DMD: variants seen among roughly 807,000 people sequenced by gnomAD.
DMD encodes mutant dystrophin.
Under a neutral mutation model 330.1 loss-of-function variants are expected in DMD, and 63 were observed. The ratio of observed to expected loss-of-function variants is 0.19; its 90% CI spans 0.16 to 0.24. The LOEUF (loss-of-function observed/expected upper bound fraction) is 0.24. Among genes scored for constraint, DMD ranks in the 10% least tolerant of loss-of-function variants. The probability of loss-of-function intolerance (pLI) is 1.00; values close to 1 mark genes in which losing one functional copy is unlikely to be tolerated. For synonymous variants in DMD, 1,223 were observed against 959.8 expected (o/e 1.27, Z -5.07); for missense variants, 3,344 against 2,684.1 (o/e 1.25, Z -5.43).
chrX:31,657,225 G>C (rs1232539983), intron 54 of DMD, among the ~76,000 whole-genome samples: 2 of 111,532 alleles, frequency 1.8e-5, no homozygotes, highest in Non-Finnish European at 3.8e-5. Context: ...ATTCTGCAAA[G>C]GGAGTCATCA....
intron 2 of DMD, among the ~76,000 whole-genome samples, chrX:32,959,386 T>C (rs2091779044): frequency 9.0e-6 from 1 of 111,716 alleles, no homozygotes. Context: ...TGTTGTGTTT[T>C]ATGTAAAACA....
intron 4 of DMD, among the ~76,000 whole-genome samples, chrX:32,838,188 G>A (rs767413463): frequency 8.1e-5 from 9 of 111,544 alleles, no homozygotes; most frequent in African/African-American, 2.6e-4. Context: ...TAACTTTCTT[G>A]AATAAAATGA....
At chrX:32,339,258 T>C (rs1489073146) in intron 41 of DMD, among the ~76,000 whole-genome samples, 2 of 111,923 alleles carry the variant, frequency 1.8e-5, no homozygotes, top group Non-Finnish European at 3.8e-5. Flanking sequence ...TTAATTTTAC[T>C]AGACCACACT....
intron 51 of DMD, among the ~76,000 whole-genome samples, chrX:31,768,275 C>T (rs2090125708): frequency 9.0e-6 from 1 of 111,192 alleles, no homozygotes; most frequent in Admixed American, 9.6e-5. Flanking sequence ...CAACACTAGT[C>T]TCCACTGCTG....
At chrX:31,419,173 G>A (rs1271093045) in intron 60 of DMD, among the ~76,000 whole-genome samples, 4 of 105,413 alleles carry the variant, frequency 3.8e-5, no homozygotes, top group African/African-American at 1.4e-4. Flanking sequence ...CAGACTCCTG[G>A]CCTCAAGTGA....
intron 24 of DMD, 34 bp from the exon 25 acceptor site, chrX:32,463,628 A>C: frequency 1.9e-6 from 2 of 1,078,280 alleles, no homozygotes; most frequent in Non-Finnish European, 2.4e-6. Context: ...CCAGCTGAAA[A>C]AAATTACTGC....
At chrX:32,807,469 T>C (rs901387932) in intron 7 of DMD, among the ~76,000 whole-genome samples, 3 of 111,654 alleles carry the variant, frequency 2.7e-5, no homozygotes, top group African/African-American at 9.8e-5. Flanking sequence ...TTAATCAGCC[T>C]GTATTTCATA....
chrX:31,749,550 A>G (rs1342050989), intron 51 of DMD, among the ~76,000 whole-genome samples: 6 of 109,128 alleles, frequency 5.5e-5, no homozygotes, highest in African/African-American at 1.7e-4. Flanking sequence ...TCATTGTTGG[A>G]CATTTGGGTT....
At chrX:32,700,552 T>A (rs1230614978) in intron 7 of DMD, among the ~76,000 whole-genome samples, 1 of 111,569 alleles carries the variant, frequency 9.0e-6, no homozygotes, top group Non-Finnish European at 1.9e-5. Context: ...AGATATTAAG[T>A]ATACTCACCA....
At chrX:32,336,004 C>T (rs867516485) in intron 41 of DMD, among the ~76,000 whole-genome samples, 2 of 29,788 alleles carry the variant, frequency 6.7e-5, no homozygotes, top group Non-Finnish European at 1.6e-4. Context: ...GTATATATAA[C>T]GTTATATATA....
intron 64 of DMD, among the ~76,000 whole-genome samples, chrX:31,210,080 G>A (rs1399098908): frequency 6.3e-5 from 7 of 111,587 alleles, no homozygotes; most frequent in Non-Finnish European, 1.1e-4. Context: ...AAAGAGATCC[G>A]ATGATACTTT....
intron 9 of DMD, among the ~76,000 whole-genome samples, chrX:32,668,345 TA>T (rs1053771964): frequency 5.3e-5 from 6 of 112,206 alleles, no homozygotes; most frequent in African/African-American, 1.6e-4. Context: ...GAGACAAGAA[TA>T]TTTTTTTTAC....
chrX:31,363,866 ATT>A (rs910492973), intron 60 of DMD, among the ~76,000 whole-genome samples: 1 of 112,393 alleles, frequency 8.9e-6, no homozygotes, highest in African/African-American at 3.2e-5. Context: ...GTCTCCAGAA[ATT>A]GCCATGTCCC....
chrX:32,733,983 T>G (rs1162057332), intron 7 of DMD, among the ~76,000 whole-genome samples: 1,591 of 106,460 alleles, frequency 0.015, 41 homozygotes, highest in African/African-American at 0.052. Flanking sequence ...GAGCTGGTTT[T>G]TTGAAAGGAT....
At chrX:31,435,911 G>A (rs750491661) in intron 60 of DMD, among the ~76,000 whole-genome samples, 1 of 111,591 alleles carries the variant, frequency 9.0e-6, no homozygotes, top group South Asian at 3.8e-4. Flanking sequence ...AGAGAGACAA[G>A]AACACTTACA....
chrX:33,226,764 C>A (rs2148878422), intron 1 of DMD, among the ~76,000 whole-genome samples: 1 of 110,479 alleles, frequency 9.1e-6, no homozygotes, highest in South Asian at 3.7e-4. Flanking sequence ...TTTCTTACAA[C>A]TGCATGTGAA....
intron 17 of DMD, among the ~76,000 whole-genome samples, chrX:32,531,066 AACGAAAATATGGTG>A (rs1259232633): frequency 8.9e-6 from 1 of 111,877 alleles, no homozygotes; most frequent in Non-Finnish European, 1.9e-5. Flanking sequence ...TTATCTGCAT[AACGAAAATATGGTG>A]ACAAATGAAA....
chrX:32,699,165 C>G lies in DMD; in HGVS notation c.778G>C (p.Val260Leu). The G allele has an allele frequency of 7.4e-6, 9 of 1,210,514 alleles. No homozygotes were observed. The highest frequency in any genetic ancestry group is 1.0e-5 in the Non-Finnish European group (9 of 894,606). Residue 260 changes from valine to leucine, a missense_variant, in exon 8 of 79, where the codon GTG becomes CTG. Coordinates refer to ENST00000357033, the MANE Select transcript of DMD (RefSeq NM_004006.3). ...AACTGAAAATGTTCTTCTTTAGTCACTTTAGGTGGCCTTGGCAACATTTCC... is the reference window on the plus strand; with the variant it reads ...AACTGAAAATGTTCTTCTTTAGTCAGTTTAGGTGGCCTTGGCAACATTTCC... ...EVEMLPRPPK[V>L]TKEEHFQLHH...
At chrX:32,685,745 TG>T (rs1474715298) in intron 9 of DMD, among the ~76,000 whole-genome samples, 4 of 111,891 alleles carry the variant, frequency 3.6e-5, no homozygotes, top group Non-Finnish European at 7.5e-5. Context: ...GGTATGCAGA[TG>T]ATCTAGAAAT....
Sources: gnomAD v4.1 joint callset for allele counts (sites outside exome capture counted in the v4.1 genomes callset) on GRCh38, gnomAD v4.1.1 for gene constraint, MANE v1.5 for transcripts, NCBI Gene and HGNC (gene_info 2026-07-23, HGNC 2026-07-21) for gene names.